The following SRPK1 variants were observed in gnomAD, a reference collection of about 807,000 sequenced individuals.
SRPK1 encodes SFRS protein kinase 1.
Under a neutral mutation model 89.5 loss-of-function variants are expected in SRPK1, and 52 were observed. The ratio of observed to expected loss-of-function variants is 0.58; its 90% confidence interval spans 0.46 to 0.73. The LOEUF is 0.73. Ranked by LOEUF, SRPK1 falls within the 30% of genes least tolerant of loss-of-function variation. SRPK1 has a pLI of 0.00. For synonymous variants in SRPK1, 255 were observed against 270.2 expected (o/e 0.94, Z 0.55); for missense variants, 603 against 780.6 (o/e 0.77, Z 2.71).
intron 13 of SRPK1, among the ~76,000 whole-genome samples, chr6:35,854,715 T>TAAG (rs1554150225): frequency 7.6e-6 from 1 of 130,786 alleles, no homozygotes; most frequent in African/African-American, 2.9e-5. Context: ...AAATGTGGAA[T>TAAG]AAAAAAAAAA....
chr6:35,864,266 T>C (rs1769847281), intron 12 of SRPK1, among the ~76,000 whole-genome samples: 5 of 151,558 alleles, frequency 3.3e-5, no homozygotes, highest in Non-Finnish European at 1.5e-5. Context: ...ACCCACAGAA[T>C]GGGAGAAAAT....
At chr6:35,894,002 C>T (rs1033671191) in intron 2 of SRPK1, among the ~76,000 whole-genome samples, 8 of 152,008 alleles carry the variant, frequency 5.3e-5, no homozygotes, top group Non-Finnish European at 1.0e-4. Flanking sequence ...CAGAGCGAGA[C>T]TCTGTCTCAA....
At chr6:35,858,569 C>T (rs960252885) in intron 12 of SRPK1, among the ~76,000 whole-genome samples, 4 of 152,180 alleles carry the variant, frequency 2.6e-5, no homozygotes, top group African/African-American at 9.7e-5. Context: ...GGAGCAACGA[C>T]ATTCTGAAAG....
At chr6:35,882,657 G>A (rs1458157839) in intron 6 of SRPK1, among the ~76,000 whole-genome samples, 1 of 152,124 alleles carries the variant, frequency 6.6e-6, no homozygotes, top group East Asian at 1.9e-4. Context: ...CAGATAAAAT[G>A]TTTAAGATTG....
chr6:35,897,306 A>G (rs769332727), intron 2 of SRPK1, among the ~76,000 whole-genome samples: 1 of 152,236 alleles, frequency 6.6e-6, no homozygotes, highest in Non-Finnish European at 1.5e-5. Context: ...AGTGAACTAT[A>G]TCTTCCTCAA....
intron 15 of SRPK1, among the ~76,000 whole-genome samples, chr6:35,836,878 A>G (rs904735990): frequency 2.0e-5 from 3 of 152,006 alleles, no homozygotes; most frequent in Admixed American, 6.6e-5. Context: ...CCTTAATCTG[A>G]CTGCACATGA....
At chr6:35,866,567 T>C (rs1368071565) in intron 12 of SRPK1, among the ~76,000 whole-genome samples, 2 of 151,582 alleles carry the variant, frequency 1.3e-5, no homozygotes, top group Non-Finnish European at 2.9e-5. Flanking sequence ...GCCTGGGCAA[T>C]AGAGCGAGAC....
At chr6:35,919,965 G>A (rs1771192077) in intron 2 of SRPK1, 1 of 405,942 alleles carries the variant, frequency 2.5e-6, no homozygotes. Flanking sequence ...GACTAACCCA[G>A]GGAAAAGCCC....
chr6:35,845,541 A>G (rs1361056796), intron 13 of SRPK1, among the ~76,000 whole-genome samples: 1 of 152,256 alleles, frequency 6.6e-6, no homozygotes, highest in Non-Finnish European at 1.5e-5. Flanking sequence ...GGAAAAGTTA[A>G]AACAATGACA....
intron 6 of SRPK1, among the ~76,000 whole-genome samples, chr6:35,880,732 AAAG>A (rs1561983651): frequency 1.8e-5 from 1 of 56,590 alleles, no homozygotes; most frequent in Non-Finnish European, 2.9e-5. Flanking sequence ...AAAAAAAAAA[AAAG>A]AAAAAAAAAA....
chr6:35,853,714 T>A (rs144680562), intron 13 of SRPK1, among the ~76,000 whole-genome samples: 17 of 152,210 alleles, frequency 1.1e-4, no homozygotes, highest in African/African-American at 4.1e-4. Flanking sequence ...AAAAGGAACA[T>A]ATCCCAGAAA....
chr6:35,867,757 C>T (rs868119874), intron 12 of SRPK1, among the ~76,000 whole-genome samples: 18 of 152,050 alleles, frequency 1.2e-4, no homozygotes, highest in African/African-American at 4.1e-4. Flanking sequence ...GCAGAGGTTC[C>T]AGTGAGCTGA....
intron 3 of SRPK1, 109 bp from the exon 4 acceptor site, chr6:35,889,032 A>G (rs1770465528): frequency 1.5e-6 from 1 of 667,616 alleles, no homozygotes; most frequent in African/African-American, 1.8e-5. Context: ...TTTTATCAAT[A>G]AAAAGTTTCT....
intron 2 of SRPK1, among the ~76,000 whole-genome samples, chr6:35,910,492 T>A (rs1220394756): frequency 6.6e-6 from 1 of 152,106 alleles, no homozygotes; most frequent in Non-Finnish European, 1.5e-5. Context: ...CCCCATAACA[T>A]AAAAGTGCAA....
chr6:35,835,234 A>C lies in SRPK1; in HGVS notation c.*70T>G. 7.5e-7 allele frequency: 1 copy of C among 1,331,600 alleles called. No homozygotes were observed. The highest frequency in any genetic ancestry group is 1.0e-6 in the Non-Finnish European group (1 of 977,578). The allele number at this position is 1,331,600 out of a possible 1,614,324, so 82.5% of individuals were successfully genotyped here. A position where few individuals can be genotyped will look rare whatever the true frequency, so the allele number is the denominator to read the frequency against. ...GGAAGAGCTTCACCCTGAAAAGGGA[A>C]GAGGAAAATGCTTGAAGGGGAAGGG... is the stretch of plus-strand genomic sequence containing the variant. On this transcript the variant is annotated 3_prime_UTR_variant, in exon 16 of 16. Coordinates refer to ENST00000373825, the MANE Select transcript of SRPK1 (RefSeq NM_003137.5).
chr6:35,843,863 T>C (rs1201764082), intron 13 of SRPK1, among the ~76,000 whole-genome samples: 1 of 152,142 alleles, frequency 6.6e-6, no homozygotes, highest in Non-Finnish European at 1.5e-5. Flanking sequence ...CTGTCTCCTT[T>C]AATAGAAAAA....
At chr6:35,901,219 T>G (rs530976173) in intron 2 of SRPK1, among the ~76,000 whole-genome samples, 1 of 152,318 alleles carries the variant, frequency 6.6e-6, no homozygotes, top group East Asian at 1.9e-4. Context: ...TATCCTCCAA[T>G]AACTGGGCTT....
chr6:35,860,871 TC>T (rs1251936157), intron 12 of SRPK1, among the ~76,000 whole-genome samples: 3 of 152,004 alleles, frequency 2.0e-5, no homozygotes, highest in Admixed American at 2.0e-4. Context: ...GGGGAAGAGC[TC>T]CCTGATAAGT....
In SRPK1 at chr6:35,869,551, T is replaced by C; in HGVS notation, c.1342A>G (p.Ser448Gly). ...TCACAGGGTATCTCTGCCCGAATGC[T>C]TTCTTGAAGTTGGCTAATGTGTTGT... ...SEQHISQLQE[S>G]IRAEIPCEDE... The change falls in exon 11 of 16, where the codon AGC becomes GGC. Residue 448 changes from serine to glycine, a missense_variant. By Grantham distance (56) the Ser-to-Gly change is moderately conservative. Transcript: ENST00000373825. 4 of 1,614,000 alleles carry C rather than the reference T, an allele frequency of 2.5e-6. No individual in the cohort carries two copies. The highest frequency in any genetic ancestry group is 1.6e-4 in the Middle Eastern group (1 of 6,062).
Sources: gnomAD v4.1 joint callset for allele counts (sites outside exome capture counted in the v4.1 genomes callset) on GRCh38, gnomAD v4.1.1 for gene constraint, MANE v1.5 for transcripts, NCBI Gene and HGNC (gene_info 2026-07-23, HGNC 2026-07-21) for gene names.